PRELID2: variants seen among roughly 807,000 people sequenced by gnomAD.
PRELID2 encodes PRELI domain containing 2, also known as PRELI domain-containing protein 2.
PRELID2 carries 25 observed loss-of-function variants against 28.4 expected under a neutral mutation model. That is an observed-to-expected ratio of 0.88 (90% CI 0.64 to 1.23). PRELID2 has a LOEUF of 1.23. Ranked by LOEUF, PRELID2 falls within the 50% of genes most tolerant of loss-of-function variation. PRELID2 has a pLI of 0.00. For synonymous variants in PRELID2, 76 were observed against 71.6 expected, an observed-to-expected ratio of 1.06 and a Z score of -0.31; for missense variants, 201 against 214.4, an observed-to-expected ratio of 0.94 and a Z score of 0.39.
At chr5:145,726,032 T>C (rs1490110701) in intron 1 of PRELID2, among the ~76,000 whole-genome samples, 2 of 151,688 alleles carry the variant, frequency 1.3e-5, no homozygotes, top group Non-Finnish European at 2.9e-5. Context: ...AAAAAATTTT[T>C]TTTAATAGCC....
rs111843100 is a variant in PRELID2, at chr5:145,804,100, C to T, written c.369-7553G>A. On this transcript the variant is annotated intron_variant, in intron 4 of 6. Transcript: ENST00000683046. ...TGTTACCTAAATTATTAACAATGAG[C>T]ATCAACAGGGTATGCCATAACATTA... 5.4e-3 allele frequency among the ~76,000 whole-genome samples: 820 copies of T among 152,266 alleles called. 8 individuals carry two copies. Among genetic ancestry groups the T allele is most frequent in the East Asian group, 0.019 (97 of 5,182 alleles).
intron 1 of PRELID2, among the ~76,000 whole-genome samples, chr5:145,495,758 T>C (rs1752304802): frequency 6.6e-6 from 1 of 152,226 alleles, no homozygotes; most frequent in African/African-American, 2.4e-5. Context: ...ATGCTAGATT[T>C]AATTGTACTC....
At chr5:145,761,320 C>T (rs1358069182) in intron 6 of PRELID2, among the ~76,000 whole-genome samples, 1 of 152,182 alleles carries the variant, frequency 6.6e-6, no homozygotes, top group Non-Finnish European at 1.5e-5. Flanking sequence ...TATGTCTACT[C>T]CATTGTGTAC....
At chr5:145,819,874 G>A in intron 3 of PRELID2, 71 bp downstream of exon 3, 1 of 967,150 alleles carries the variant, frequency 1.0e-6, no homozygotes, top group African/African-American at 1.6e-5. Context: ...ATCAGAAAAT[G>A]CTGTTCCTTT....
At position 145,831,075 on chromosome 5, in the gene PRELID2, A is replaced by C. The variant is rs148820294; in HGVS notation, c.75+4102T>G. Among the ~76,000 whole-genome samples, 9 of 152,354 alleles carry C rather than the reference A, an allele frequency of 5.9e-5. No individual in the cohort carries two copies. In the East Asian group the frequency reaches 1.7e-3, roughly 29 times the overall value. ...TTGAAAAAAAAATCATAAAGACTGA[A>C]AGAAAAATAAAAGTGTATTTTGCCA... On this transcript the variant is annotated intron_variant, in intron 1 of 6. Transcript: ENST00000683046.
the PRELID2 span, among the ~76,000 whole-genome samples, chr5:145,252,134 TTACA>T: frequency 6.6e-6 from 1 of 152,136 alleles, no homozygotes; most frequent in South Asian, 2.1e-4. Flanking sequence ...TGGGAGCTTG[TTACA>T]TATGCTGACT....
intron 1 of PRELID2, among the ~76,000 whole-genome samples, chr5:145,584,259 C>A (rs1753133237): frequency 6.6e-6 from 1 of 152,002 alleles, no homozygotes; most frequent in African/African-American, 2.4e-5. Context: ...AAGCTGGACC[C>A]CTTTCTTACA....
intron 1 of PRELID2, among the ~76,000 whole-genome samples, chr5:145,486,031 G>T (rs532950155): frequency 4.9e-4 from 75 of 152,272 alleles, no homozygotes; most frequent in Middle Eastern, 6.8e-3. Flanking sequence ...AAAGTTTAAA[G>T]TGGAAATAGG....
intron 5 of PRELID2, among the ~76,000 whole-genome samples, chr5:145,793,660 T>A (rs564796621): frequency 6.6e-6 from 1 of 152,238 alleles, no homozygotes; most frequent in Admixed American, 6.5e-5. Flanking sequence ...TAAAAAGGAA[T>A]CACTTTAAGA....
chr5:145,616,158 C>A (rs1309866919), intron 1 of PRELID2, among the ~76,000 whole-genome samples: 1 of 152,146 alleles, frequency 6.6e-6, no homozygotes, highest in Non-Finnish European at 1.5e-5. Flanking sequence ...GGTGTTGTCT[C>A]ACAGCTCTTA....
At chr5:145,689,990 T>C (rs975305191) in intron 1 of PRELID2, among the ~76,000 whole-genome samples, 16 of 148,764 alleles carry the variant, frequency 1.1e-4, no homozygotes, top group Admixed American at 6.0e-4. Context: ...GGGGGTCTTT[T>C]TTTTTTTTTT....
chr5:145,364,328 C>T, the PRELID2 span, among the ~76,000 whole-genome samples: 1 of 151,962 alleles, frequency 6.6e-6, no homozygotes, highest in Non-Finnish European at 1.5e-5. Context: ...AACTATTTGA[C>T]TCTAATTTCT....
At chr5:145,825,492 A>C (rs1755135030) in intron 1 of PRELID2, among the ~76,000 whole-genome samples, 1 of 152,156 alleles carries the variant, frequency 6.6e-6, no homozygotes, top group Admixed American at 6.5e-5. Flanking sequence ...CGTTTACTAC[A>C]GTTCTAGTTT....
chr5:145,806,482 C>T (rs1265373726), intron 4 of PRELID2, among the ~76,000 whole-genome samples: 4 of 152,192 alleles, frequency 2.6e-5, no homozygotes, highest in Admixed American at 2.0e-4. Context: ...GATAACAATG[C>T]TTTCCAGAAT....
the PRELID2 span, among the ~76,000 whole-genome samples, chr5:145,328,183 G>A: frequency 2.0e-4 from 31 of 152,098 alleles, no homozygotes; most frequent in Admixed American, 3.9e-4. Context: ...CCAGTCTATC[G>A]TTGATGGGCA....
the PRELID2 span, among the ~76,000 whole-genome samples, chr5:145,408,012 G>A: frequency 6.6e-6 from 1 of 152,030 alleles, no homozygotes; most frequent in Non-Finnish European, 1.5e-5. Flanking sequence ...CCAGAGCCCA[G>A]TAGCCCTACT....
chr5:145,487,219 T>C (rs891701241), intron 1 of PRELID2, among the ~76,000 whole-genome samples: 2 of 147,358 alleles, frequency 1.4e-5, no homozygotes, highest in Non-Finnish European at 3.0e-5. Context: ...TGTGCACATG[T>C]ACCCTAAAAC....
intron 1 of PRELID2, among the ~76,000 whole-genome samples, chr5:145,524,576 A>G (rs1752591991): frequency 6.6e-6 from 1 of 152,222 alleles, no homozygotes; most frequent in African/African-American, 2.4e-5. Flanking sequence ...CCATGTGGTA[A>G]TTCTGTAAGT....
At chr5:145,380,055 C>T in the PRELID2 span, among the ~76,000 whole-genome samples, 1 of 152,156 alleles carries the variant, frequency 6.6e-6, no homozygotes, top group Non-Finnish European at 1.5e-5. Flanking sequence ...CTGCTATGGC[C>T]ATGCTCCTGC....
Sources: allele counts gnomAD v4.1 joint callset (sites outside exome capture counted in the v4.1 genomes callset), GRCh38; gene constraint gnomAD v4.1.1; transcripts MANE v1.5; gene names NCBI Gene and HGNC (gene_info 2026-07-23, HGNC 2026-07-21).